SLFN12L: variants seen among roughly 807,000 people sequenced by gnomAD.
SLFN12L encodes the protein schlafen family member 12 like.
Under a neutral mutation model 34.8 loss-of-function variants are expected in SLFN12L, and 34 were observed. That is an observed-to-expected ratio of 0.98 (90% CI 0.74 to 1.30). SLFN12L has a LOEUF of 1.30. Among genes scored for constraint, SLFN12L ranks in the 50% most tolerant of loss-of-function variants. The pLI is 0.00. For missense variants in SLFN12L, 703 were observed against 696.2 expected (o/e 1.01, Z -0.11); for synonymous variants, 259 against 247.5 (o/e 1.05, Z -0.44).
intron 2 of SLFN12L, chr17:35,510,311 A>C (rs1490377311): frequency 1.3e-5 from 2 of 152,264 alleles, no homozygotes; most frequent in African/African-American, 4.8e-5. Flanking sequence ...ATGAATATTC[A>C]TGGAAGCATT....
rs764251689 is a variant in SLFN12L at position 35,475,428 on chromosome 17, T to C, written c.1334A>G (p.Gln445Arg). Residue 445 changes from glutamine to arginine, a missense_variant, in exon 5 of 5, where the codon CAA becomes CGA. By Grantham distance (43) the Gln-to-Arg change is conservative. Coordinates refer to ENST00000628453, the MANE Select transcript of SLFN12L (RefSeq NM_001363830.2). ...TATTAATTGCTTAAGTCCTTCATGT[T>C]GTGAGAACAGATTTCTGCAGAAGGT... ...PKTFCRNLFS[Q>R]HEGLKQLICE... The C allele has an allele frequency of 1.4e-5, 22 of 1,613,940 alleles. No individual in the cohort carries two copies. Among genetic ancestry groups the C allele is most frequent in the Non-Finnish European group, 1.8e-5 (21 of 1,179,964 alleles).
At position 35,474,690 on chromosome 17, in the gene SLFN12L, G is replaced by GC. The variant is rs1555538111; in HGVS notation, c.*232_*233insG. 26 of 353,432 alleles carry GC rather than the reference G, an allele frequency of 7.4e-5. No individual in the cohort carries two copies. Among genetic ancestry groups the GC allele is most frequent in the Non-Finnish European group, 1.1e-4 (22 of 201,174 alleles). The allele number at this position is 353,432 out of a possible 1,614,324, so 21.9% of individuals were successfully genotyped here. A position where few individuals can be genotyped will look rare whatever the true frequency, so the allele number is the denominator to read the frequency against. On this transcript the variant is annotated 3_prime_UTR_variant, in exon 5 of 5. Coordinates refer to ENST00000628453, the MANE Select transcript of SLFN12L (RefSeq NM_001363830.2). ...TACTCCTAGCACTTTGGGAGACCGG[G>GC]GGGGGGGGTTGAATCACGAGGTCAG...
intron 2 of SLFN12L, among the ~76,000 whole-genome samples, chr17:35,481,026 A>T (rs1445076641): frequency 6.6e-6 from 1 of 152,208 alleles, no homozygotes; most frequent in South Asian, 2.1e-4. Flanking sequence ...ACCTAGAAAA[A>T]AACCAGGCCA....
At position 35,466,631 on chromosome 17, in the gene SLFN12L, T is replaced by C. The variant is rs2142116344; in HGVS notation, c.*8292A>G. Among the ~76,000 whole-genome samples the C allele has an allele frequency of 6.6e-6, 1 of 152,350 alleles. No homozygotes were observed. Among genetic ancestry groups the C allele is most frequent in the Middle Eastern group, 3.4e-3 (1 of 294 alleles). ...ACTTACAAATTTTACTTAATCTCAT[T>C]GAGCTGTAACTCACAAATGAACCCA... is the stretch of plus-strand genomic sequence containing the variant. On this transcript the variant is annotated 3_prime_UTR_variant, in exon 5 of 5. Transcript: ENST00000628453.
chr17:35,470,332 G>A lies in SLFN12L; in HGVS notation c.*4591C>T. On this transcript the variant is annotated 3_prime_UTR_variant, in exon 5 of 5. Coordinates refer to ENST00000628453, the MANE Select transcript of SLFN12L (RefSeq NM_001363830.2). ...CAAATCATTTTTCCACTTTAGCTCT[G>A]CTTCAAATGGGGCTGGCCTGGTGAT... 6.2e-6 allele frequency: 1 copy of A among 161,710 alleles called. No homozygotes were observed. Among genetic ancestry groups the A allele is most frequent in the Non-Finnish European group, 1.4e-5 (1 of 73,894 alleles). The allele number at this position is 161,710 out of a possible 1,614,324, so 10.0% of individuals were successfully genotyped here.
In SLFN12L at chr17:35,470,836, G is replaced by C. The variant is rs67338337; in HGVS notation, c.*4087C>G. Among the ~76,000 whole-genome samples, 2 of 151,620 alleles carry C rather than the reference G, an allele frequency of 1.3e-5. No homozygotes were observed. Among genetic ancestry groups the C allele is most frequent in the Non-Finnish European group, 2.9e-5 (2 of 67,922 alleles). On this transcript the variant is annotated 3_prime_UTR_variant, in exon 5 of 5. Coordinates refer to ENST00000628453, the MANE Select transcript of SLFN12L (RefSeq NM_001363830.2). ...CTCTCCCCACCCCACAACAGGCCCT[G>C]GTGTGTGTTAATCCTTTCCCTGTGT...
intron 2 of SLFN12L, among the ~76,000 whole-genome samples, chr17:35,520,298 A>G (rs540607184): frequency 1.6e-4 from 24 of 152,370 alleles, no homozygotes; most frequent in African/African-American, 5.8e-4. Flanking sequence ...TCTTCTGATA[A>G]CAAGACCACC....
rs1266669375 is a variant in SLFN12L, at chr17:35,471,412, C to T, written c.*3511G>A. On this transcript the variant is annotated 3_prime_UTR_variant, in exon 5 of 5. Coordinates refer to ENST00000628453, the MANE Select transcript of SLFN12L (RefSeq NM_001363830.2). Reference sequence around the variant, plus strand: ...TCAGCCTCCCAAAGTGCTGGGATTACAGGCATGAGCCACCGCGCCACGCCT... The same window carrying T: ...TCAGCCTCCCAAAGTGCTGGGATTATAGGCATGAGCCACCGCGCCACGCCT... Among the ~76,000 whole-genome samples the T allele has an allele frequency of 1.3e-5, 2 of 152,200 alleles. No homozygotes were observed. Among genetic ancestry groups the T allele is most frequent in the African/African-American group, 2.4e-5 (1 of 41,452 alleles).
intron 2 of SLFN12L, among the ~76,000 whole-genome samples, chr17:35,505,790 C>T (rs2142154463): frequency 6.6e-6 from 1 of 152,302 alleles, no homozygotes; most frequent in South Asian, 2.1e-4. Context: ...CAGTCACACC[C>T]AGAAGCTAAC....
intron 2 of SLFN12L, among the ~76,000 whole-genome samples, chr17:35,515,358 G>A (rs917659963): frequency 1.3e-5 from 2 of 152,192 alleles, no homozygotes; most frequent in African/African-American, 4.8e-5. Flanking sequence ...TACTATATTT[G>A]TGCAAGTTTG....
chr17:35,506,532 T>A (rs1915469889), intron 2 of SLFN12L, among the ~76,000 whole-genome samples: 1 of 152,202 alleles, frequency 6.6e-6, no homozygotes, highest in African/African-American at 2.4e-5. Flanking sequence ...TTGATGGGGC[T>A]GGACTGGATC....
chr17:35,499,355 G>A (rs895572862), intron 2 of SLFN12L, among the ~76,000 whole-genome samples: 1 of 152,154 alleles, frequency 6.6e-6, no homozygotes, highest in Non-Finnish European at 1.5e-5. Context: ...AACCTAAGGT[G>A]TAAAAACAAT....
rs138479524 is a variant in SLFN12L, at chr17:35,485,432, T to C, written c.87-5237A>G. 5.9e-3 allele frequency among the ~76,000 whole-genome samples: 898 copies of C among 152,336 alleles called. 5 individuals carry two copies. The highest frequency in any genetic ancestry group is 0.021 in the African/African-American group (877 of 41,582). On this transcript the variant is annotated intron_variant, in intron 2 of 4. Coordinates refer to ENST00000628453, the MANE Select transcript of SLFN12L (RefSeq NM_001363830.2). The stretch of plus-strand genomic sequence containing the variant: ...ATAAAGTCTGGATATTAGTCTTTTG[T>C]TGGATGCATGACTTGCAAACATTTT...
rs1017757612 is a variant in SLFN12L at position 35,474,901 on chromosome 17, A to G, written c.*22T>C. The G allele has an allele frequency of 6.6e-7, 1 of 1,520,642 alleles. No individual in the cohort carries two copies. Among genetic ancestry groups the G allele is most frequent in the African/African-American group, 1.4e-5 (1 of 72,200 alleles). 94.2% of individuals were successfully genotyped at this position (1,520,642 alleles called of 1,614,324 possible). On this transcript the variant is annotated 3_prime_UTR_variant, in exon 5 of 5. Coordinates refer to ENST00000628453, the MANE Select transcript of SLFN12L (RefSeq NM_001363830.2). ...AGTCGAGATCGTGTCACTACACTCC[A>G]GTCTGGGTGACAGAGTGAGACTCAT...
chr17:35,480,259 G>T, intron 2 of SLFN12L, 64 bp from the exon 3 acceptor site: 1 of 1,273,674 alleles, frequency 7.9e-7, no homozygotes, highest in Non-Finnish European at 1.1e-6. Flanking sequence ...GCATTATGAG[G>T]CAAACGTAGA....
chr17:35,517,795 G>A (rs1915877514), intron 2 of SLFN12L, among the ~76,000 whole-genome samples: 1 of 152,064 alleles, frequency 6.6e-6, no homozygotes, highest in Admixed American at 6.5e-5. Context: ...CAAACAATGG[G>A]GAAAGGATTC....
Position 35,466,240 on chromosome 17 carries a change from A to G in SLFN12L, c.*8683T>C, listed in dbSNP as rs555376511. Among the ~76,000 whole-genome samples, 2 of 152,336 alleles carry G rather than the reference A, an allele frequency of 1.3e-5. No individual in the cohort carries two copies. Among genetic ancestry groups the G allele is most frequent in the South Asian group, 2.1e-4 (1 of 4,828 alleles). On this transcript the variant is annotated 3_prime_UTR_variant, in exon 5 of 5. Coordinates refer to ENST00000628453, the MANE Select transcript of SLFN12L (RefSeq NM_001363830.2). ...GGTTCAGACAAATGTATAATGACAT[A>G]TATCTACTATATAGTATCAAACACA...
At chr17:35,489,441 C>A (rs1438583216) in intron 2 of SLFN12L, among the ~76,000 whole-genome samples, 2 of 152,026 alleles carry the variant, frequency 1.3e-5, no homozygotes, top group Non-Finnish European at 2.9e-5. Flanking sequence ...GTGGTCCCAG[C>A]TACTAAGGAG....
At chr17:35,525,399 C>T (rs1486582237) in intron 1 of SLFN12L, among the ~76,000 whole-genome samples, 7 of 152,148 alleles carry the variant, frequency 4.6e-5, no homozygotes, top group Admixed American at 4.6e-4. Flanking sequence ...CCCTAAGACA[C>T]ATAATCGTCA....
Sources: allele counts gnomAD v4.1 joint callset (sites outside exome capture counted in the v4.1 genomes callset), GRCh38; gene constraint gnomAD v4.1.1; transcripts MANE v1.5; gene names NCBI Gene and HGNC (gene_info 2026-07-23, HGNC 2026-07-21).